The following PDE6C variants were observed in gnomAD, a reference collection of about 807,000 sequenced individuals.
The protein encoded by PDE6C is cone cGMP-specific 3',5'-cyclic phosphodiesterase subunit alpha'.
In PDE6C, 75 loss-of-function variants were observed where a neutral mutation model predicts 113.1. The observed-to-expected ratio is 0.66, with a 90% CI of 0.55 to 0.80. The LOEUF (loss-of-function observed/expected upper bound fraction) is 0.80. PDE6C is among the 30% of genes least tolerant of loss of function. The probability of loss-of-function intolerance (pLI) is 0.00; values close to 1 mark genes in which losing one functional copy is unlikely to be tolerated. For missense variants in PDE6C, 912 were observed against 1,038.6 expected (o/e 0.88, Z 1.67); for synonymous variants, 375 against 363.7 (o/e 1.03, Z -0.35).
In PDE6C at chr10:93,645,839, A is replaced by C. The variant is rs186675720; in HGVS notation, c.1848-121A>C. On this transcript the variant is annotated intron_variant, in intron 14 of 21. Transcript: ENST00000371447. ...AATCTTTTCCAATATGTTATTTTTG[A>C]CCACTTCACAGATAATTGAGTGAGG... is the stretch of plus-strand genomic sequence containing the variant. 4.1e-5 allele frequency: 28 copies of C among 689,290 alleles called. No homozygotes were observed. In the African/African-American group the frequency reaches 4.6e-4, roughly 11 times the overall value. 42.7% of individuals were successfully genotyped at this position (689,290 alleles called of 1,614,324 possible).
intron 4 of PDE6C, among the ~76,000 whole-genome samples, chr10:93,622,608 C>T (rs2058451926): frequency 1.3e-5 from 2 of 148,490 alleles, no homozygotes; most frequent in South Asian, 4.2e-4. Flanking sequence ...TCAACCTTTC[C>T]TCACCCCTTC....
Position 93,655,779 on chromosome 10 carries a change from A to G in PDE6C, c.1955A>G (p.Asn652Ser). The G allele has an allele frequency of 6.2e-7, 1 of 1,600,140 alleles. No individual in the cohort carries two copies. The highest frequency in any genetic ancestry group is 1.1e-5 in the South Asian group (1 of 90,750). ...LQDESLNIFQ[N>S]LNKRQFETVI... ...TTACAGAGTTTAAACATCTTCCAGA[A>G]CCTAAATAAGCGGCAGTTTGAAACA... Residue 652 changes from asparagine to serine, a missense_variant, in exon 16 of 22, where the codon AAC becomes AGC. Asn to Ser is a conservative substitution (Grantham distance 46). Transcript: ENST00000371447.
chr10:93,658,951 C>G lies in PDE6C; in HGVS notation c.2087C>G (p.Thr696Arg), dbSNP rs41290222. 2 of 1,612,980 alleles carry G rather than the reference C, an allele frequency of 1.2e-6. No individual in the cohort carries two copies. The highest frequency in any genetic ancestry group is 1.7e-6 in the Non-Finnish European group (2 of 1,179,212). Residue 696 changes from threonine (T) to arginine (R), a missense_variant, in exon 17 of 22, where the codon ACG becomes AGG. Thr to Arg is a moderately conservative substitution (Grantham distance 71). Transcript: ENST00000371447. ...GTTGATGCCTGTGAACAAATGCAAA[C>G]GGAAGAAGAAGCCATCAAATATGTA... ...KIVDACEQMQTEEEAIKYVTV... is the reference protein window; with the variant it reads ...KIVDACEQMQREEEAIKYVTV...
chr10:93,637,131 A>G, intron 11 of PDE6C, 68 bp downstream of exon 11: 2 of 793,862 alleles, frequency 2.5e-6, no homozygotes, highest in Non-Finnish European at 4.4e-6. Flanking sequence ...ATATATTAGG[A>G]CATGCTTTCT....
intron 1 of PDE6C, 95 bp from the exon 2 acceptor site, chr10:93,620,537 G>A (rs1474887575): frequency 7.9e-7 from 1 of 1,271,788 alleles, no homozygotes; most frequent in South Asian, 1.2e-5. Context: ...TCTGTTGGTA[G>A]CATTTAAATG....
chr10:93,621,284 G>T (rs1005296665), intron 3 of PDE6C, among the ~76,000 whole-genome samples: 8 of 152,160 alleles, frequency 5.3e-5, no homozygotes, highest in Non-Finnish European at 1.2e-4. Flanking sequence ...TACTTCAGAT[G>T]GTTGTTGTGA....
intron 1 of PDE6C, among the ~76,000 whole-genome samples, chr10:93,614,257 C>A (rs1245645222): frequency 1.3e-5 from 2 of 152,168 alleles, no homozygotes; most frequent in African/African-American, 4.8e-5. Flanking sequence ...TCCTAAATGC[C>A]TCCTGAAGCT....
rs561489310 is a variant in PDE6C, at chr10:93,635,489, C to T, written c.1270-8C>T. 1.0e-4 allele frequency: 162 copies of T among 1,607,812 alleles called. No individual in the cohort carries two copies. Among genetic ancestry groups the T allele is most frequent in the South Asian group, 4.8e-4 (44 of 90,878 alleles). Reference sequence around the variant, plus strand: ...AAGAGAATTAGAATCACCTTTTATCCATTTCAGACTCTCACACAATTTCTT... The same window carrying T: ...AAGAGAATTAGAATCACCTTTTATCTATTTCAGACTCTCACACAATTTCTT... On this transcript the variant is annotated splice_polypyrimidine_tract_variant and splice_region_variant and intron_variant, in intron 9 of 21. Transcript: ENST00000371447.
chr10:93,636,692 T>C (rs1442553879), intron 10 of PDE6C, among the ~76,000 whole-genome samples: 1 of 152,154 alleles, frequency 6.6e-6, no homozygotes, highest in Admixed American at 6.6e-5. Flanking sequence ...AAAGTCTTCA[T>C]AATCAGGTGC....
At chr10:93,628,891 G>A (rs546899118) in intron 7 of PDE6C, among the ~76,000 whole-genome samples, 1,641 of 152,172 alleles carry the variant, frequency 0.011, 14 homozygotes, top group Middle Eastern at 0.037. Context: ...AGAAGAAGAA[G>A]AAAAAAAGCA....
chr10:93,620,253 GTGTC>G (rs1405092598), intron 1 of PDE6C, among the ~76,000 whole-genome samples: 1 of 152,108 alleles, frequency 6.6e-6, no homozygotes, highest in African/African-American at 2.4e-5. Flanking sequence ...TCTATGAACT[GTGTC>G]TGTATTCCTA....
intron 15 of PDE6C, 126 bp from the exon 16 acceptor site, chr10:93,655,634 G>GAAAA: frequency 1.3e-5 from 7 of 527,708 alleles, no homozygotes; most frequent in Admixed American, 3.1e-5. Context: ...AAAAAGGAAG[G>GAAAA]AAAACAAAAA....
At chr10:93,639,933 C>T (rs1327871802) in intron 11 of PDE6C, 137 bp from the exon 12 acceptor site, 3 of 866,460 alleles carry the variant, frequency 3.5e-6, no homozygotes, top group South Asian at 1.4e-5. Context: ...TCATCCAGTG[C>T]CTGGCACATG....
intron 8 of PDE6C, among the ~76,000 whole-genome samples, chr10:93,632,487 C>A (rs12217337): frequency 6.6e-6 from 1 of 152,208 alleles, no homozygotes; most frequent in Admixed American, 6.5e-5. Context: ...TTTCTTAAAC[C>A]TTGGGTTCCT....
intron 1 of PDE6C, among the ~76,000 whole-genome samples, 164 bp from the exon 2 acceptor site, chr10:93,620,466 CAT>C (rs753824620): frequency 9.2e-5 from 14 of 152,144 alleles, no homozygotes; most frequent in Non-Finnish European, 2.1e-4. Context: ...TCTATGCAGT[CAT>C]AGGATGGCAG....
intron 4 of PDE6C, 126 bp from the exon 5 acceptor site, chr10:93,625,449 C>T (rs980412665): frequency 9.7e-6 from 7 of 719,426 alleles, no homozygotes; most frequent in Non-Finnish European, 1.7e-5. Flanking sequence ...AATTGTAGAT[C>T]TTTCAGCACT....
Position 93,626,816 on chromosome 10 carries a change from C to T in PDE6C, c.1016C>T (p.Ala339Val). ...TTCTCTTCCCCAAGGACGCCTCCTG[C>T]AGACCACTGGACACTCATTAGTGGG... is the stretch of plus-strand genomic sequence containing the variant. ...EEIKVIPTPPADHWTLISGLP... is the reference protein window; with the variant it reads ...EEIKVIPTPPVDHWTLISGLP... Residue 339 changes from alanine to valine, a missense_variant, in exon 7 of 22, where the codon GCA becomes GTA. Transcript: ENST00000371447. The T allele has an allele frequency of 1.2e-6, 2 of 1,613,924 alleles. No homozygotes were observed. Among genetic ancestry groups the T allele is most frequent in the South Asian group, 1.1e-5 (1 of 91,072 alleles).
intron 16 of PDE6C, among the ~76,000 whole-genome samples, chr10:93,657,319 G>A (rs972109952): frequency 2.8e-5 from 4 of 143,126 alleles, no homozygotes; most frequent in South Asian, 2.3e-4. Context: ...ACGTCACCAC[G>A]CCTGGCTAAT....
rs543285665 is a variant in PDE6C at position 93,613,947 on chromosome 10, T to C, written c.480+742T>C. ...GGCATTGAGATGCCCCTTATAGAAA[T>C]AGAAAAACTTTATTCTTACCATTAG... On this transcript the variant is annotated intron_variant, in intron 1 of 21. Coordinates refer to ENST00000371447, the MANE Select transcript of PDE6C (RefSeq NM_006204.4). 6.6e-5 allele frequency among the ~76,000 whole-genome samples: 10 copies of C among 152,218 alleles called. No homozygotes were observed. In the South Asian group the frequency reaches 2.1e-3, roughly 32 times the overall value.
Sources: gnomAD v4.1 joint callset for allele counts (sites outside exome capture counted in the v4.1 genomes callset) on GRCh38, gnomAD v4.1.1 for gene constraint, MANE v1.5 for transcripts, NCBI Gene and HGNC (gene_info 2026-07-23, HGNC 2026-07-21) for gene names.